TNR: variants seen among roughly 807,000 people sequenced by gnomAD.
The protein encoded by TNR is tenascin-R.
Under a neutral mutation model 150.4 loss-of-function variants are expected in TNR, and 45 were observed. The ratio of observed to expected loss-of-function variants is 0.30; its 90% CI spans 0.24 to 0.38. The LOEUF is 0.38. Among genes scored for constraint, TNR ranks in the 10% least tolerant of loss-of-function variants. The probability of loss-of-function intolerance (pLI) is 1.00; values close to 1 mark genes in which losing one functional copy is unlikely to be tolerated. For synonymous variants in TNR, 687 were observed against 678.4 expected (o/e 1.01, Z -0.20); for missense variants, 1,544 against 1,759.1 (o/e 0.88, Z 2.19).
intron 1 of TNR, among the ~76,000 whole-genome samples, chr1:175,548,241 C>T (rs1167090238): frequency 2.0e-5 from 3 of 152,110 alleles, no homozygotes; most frequent in African/African-American, 4.8e-5. Flanking sequence ...TTTTAGAACC[C>T]TGTCTCTCCA....
intron 2 of TNR, among the ~76,000 whole-genome samples, chr1:175,416,658 T>TA (rs1654466875): frequency 6.6e-6 from 1 of 152,182 alleles, no homozygotes; most frequent in Non-Finnish European, 1.5e-5. Context: ...TAGCCCAAGT[T>TA]GATGGTTTCT....
At chr1:175,650,740 T>TA (rs1664939157) in intron 1 of TNR, among the ~76,000 whole-genome samples, 3 of 1,630 alleles carry the variant, frequency 1.8e-3, no homozygotes, top group African/African-American at 5.5e-3. Flanking sequence ...GCCTCATTAC[T>TA]ACCCCTCTCC....
intron 2 of TNR, among the ~76,000 whole-genome samples, chr1:175,428,923 C>A (rs574256534): frequency 7.2e-6 from 1 of 138,860 alleles, no homozygotes; most frequent in Non-Finnish European, 1.5e-5. Context: ...TAGGGACTCC[C>A]TTTAAACTCA....
chr1:175,562,701 C>T (rs1309329262), intron 1 of TNR, among the ~76,000 whole-genome samples: 1 of 152,156 alleles, frequency 6.6e-6, no homozygotes, highest in East Asian at 1.9e-4. Flanking sequence ...CAGTAGAGGC[C>T]ACTACTGGGA....
chr1:175,495,625 T>C (rs1486595353), intron 2 of TNR, among the ~76,000 whole-genome samples: 1 of 152,176 alleles, frequency 6.6e-6, no homozygotes, highest in Non-Finnish European at 1.5e-5. Flanking sequence ...CTTTACAATA[T>C]ATTGTTTGTT....
chr1:175,476,464 T>C (rs1657549307), intron 2 of TNR, among the ~76,000 whole-genome samples: 2 of 152,212 alleles, frequency 1.3e-5, no homozygotes, highest in African/African-American at 2.4e-5. Flanking sequence ...TGACATCTCA[T>C]TGAGGTACTA....
At chr1:175,690,427 A>G (rs1666326145) in intron 1 of TNR, among the ~76,000 whole-genome samples, 1 of 152,246 alleles carries the variant, frequency 6.6e-6, no homozygotes, top group South Asian at 2.1e-4. Flanking sequence ...TGACCAGGAA[A>G]GTCCTCTTGA....
chr1:175,334,616 A>T (rs576679844), intron 20 of TNR, among the ~76,000 whole-genome samples: 1 of 152,336 alleles, frequency 6.6e-6, no homozygotes, highest in East Asian at 1.9e-4. Context: ...ACATGACTCA[A>T]CTGGGCCTGC....
chr1:175,621,029 A>G (rs1663955391), intron 1 of TNR, among the ~76,000 whole-genome samples: 1 of 152,080 alleles, frequency 6.6e-6, no homozygotes, highest in Non-Finnish European at 1.5e-5. Context: ...TGCTATGACC[A>G]CGCACCCCTC....
chr1:175,446,232 C>T (rs1656039591), intron 2 of TNR, among the ~76,000 whole-genome samples: 1 of 152,192 alleles, frequency 6.6e-6, no homozygotes, highest in Non-Finnish European at 1.5e-5. Flanking sequence ...AGCTCAGCCA[C>T]TCAGAGCCTG....
At chr1:175,468,240 G>A (rs751527993) in intron 2 of TNR, among the ~76,000 whole-genome samples, 2 of 152,168 alleles carry the variant, frequency 1.3e-5, no homozygotes. Context: ...TGTAGATGTG[G>A]ATGTGAATCC....
intron 17 of TNR, among the ~76,000 whole-genome samples, chr1:175,355,193 A>G (rs1370624633): frequency 6.6e-6 from 1 of 152,230 alleles, no homozygotes; most frequent in Non-Finnish European, 1.5e-5. Context: ...AGCACAACCC[A>G]GTGAAGTTGC....
intron 1 of TNR, among the ~76,000 whole-genome samples, chr1:175,642,560 G>A (rs1433435191): frequency 6.6e-6 from 1 of 152,178 alleles, no homozygotes; most frequent in Non-Finnish European, 1.5e-5. Context: ...GAGGTTGGCA[G>A]CCAGGATGCG....
At chr1:175,732,121 T>C (rs1667659125) in intron 1 of TNR, among the ~76,000 whole-genome samples, 1 of 152,162 alleles carries the variant, frequency 6.6e-6, no homozygotes, top group South Asian at 2.1e-4. Flanking sequence ...ACCATTAGGG[T>C]TCAATTTATG....
intron 1 of TNR, among the ~76,000 whole-genome samples, chr1:175,717,849 T>C (rs965313534): frequency 6.6e-6 from 1 of 152,130 alleles, no homozygotes; most frequent in East Asian, 1.9e-4. Context: ...TGAGCGCACA[T>C]GCACACACAC....
intron 1 of TNR, among the ~76,000 whole-genome samples, chr1:175,682,351 G>A (rs527302858): frequency 6.6e-6 from 1 of 152,304 alleles, no homozygotes; most frequent in African/African-American, 2.4e-5. Flanking sequence ...TGGGGGTGAC[G>A]ATTCTTGTGT....
intron 18 of TNR, among the ~76,000 whole-genome samples, chr1:175,343,059 C>T (rs961185151): frequency 1.3e-5 from 2 of 152,160 alleles, no homozygotes; most frequent in Non-Finnish European, 2.9e-5. Flanking sequence ...TCTGGTCCCA[C>T]CTGCATTCAT....
At chr1:175,717,136 T>C (rs1024449082) in intron 1 of TNR, among the ~76,000 whole-genome samples, 2 of 152,222 alleles carry the variant, frequency 1.3e-5, no homozygotes, top group Non-Finnish European at 2.9e-5. Flanking sequence ...AGAGCATTTA[T>C]CTTGGAGCCA....
intron 2 of TNR, among the ~76,000 whole-genome samples, chr1:175,478,518 T>C (rs1224061626): frequency 6.6e-6 from 1 of 152,108 alleles, no homozygotes; most frequent in East Asian, 1.9e-4. Context: ...GTTCAAGAGA[T>C]AGGGCAGAGG....
Sources: allele counts gnomAD v4.1 joint callset (sites outside exome capture counted in the v4.1 genomes callset), GRCh38; gene constraint gnomAD v4.1.1; transcripts MANE v1.5; gene names NCBI Gene and HGNC (gene_info 2026-07-23, HGNC 2026-07-21).